Variants in CDH18 observed in about 807,000 individuals in gnomAD.
CDH18 encodes the protein cadherin-18.
Under a neutral mutation model 67.9 loss-of-function variants are expected in CDH18, and 31 were observed. The ratio of observed to expected loss-of-function variants is 0.46; its 90% CI spans 0.34 to 0.62. The LOEUF (loss-of-function observed/expected upper bound fraction) is 0.62, where lower values mean the gene tolerates loss of function less well. Ranked by LOEUF, CDH18 falls within the 20% of genes least tolerant of loss-of-function variation. The pLI is 0.01. For synonymous variants in CDH18, 362 were observed against 347.2 expected, an observed-to-expected ratio of 1.04 and a Z score of -0.48; for missense variants, 890 against 975.5, an observed-to-expected ratio of 0.91 and a Z score of 1.17.
chr5:20,252,974 T>G (rs1048914418), intron 2 of CDH18, among the ~76,000 whole-genome samples: 3 of 151,766 alleles, frequency 2.0e-5, no homozygotes, highest in African/African-American at 4.8e-5. Flanking sequence ...AATGTTTAAT[T>G]CATTTGAGAA....
chr5:19,961,959 T>C (rs970182195), intron 2 of CDH18, among the ~76,000 whole-genome samples: 3 of 152,078 alleles, frequency 2.0e-5, no homozygotes, highest in African/African-American at 7.2e-5. Flanking sequence ...GTTTTTTAAA[T>C]AAAATTTGGA....
chr5:20,467,727 A>G (rs1751741492), intron 1 of CDH18, among the ~76,000 whole-genome samples: 1 of 152,206 alleles, frequency 6.6e-6, no homozygotes, highest in Non-Finnish European at 1.5e-5. Context: ...ATGTGGTATG[A>G]CAAGGGAAAG....
At chr5:19,884,170 C>T (rs1383629765) in intron 2 of CDH18, among the ~76,000 whole-genome samples, 1 of 151,974 alleles carries the variant, frequency 6.6e-6, no homozygotes, top group Non-Finnish European at 1.5e-5. Flanking sequence ...CAGTTAGAGC[C>T]CCATGTTCTA....
chr5:19,919,245 T>TAAGAAGGACACAGC (rs1792170779), intron 2 of CDH18, among the ~76,000 whole-genome samples: 1 of 149,764 alleles, frequency 6.7e-6, no homozygotes, highest in African/African-American at 2.6e-5. Flanking sequence ...ATCTGGCTGT[T>TAAGAAGGACACAGC]CATTTGTATC....
At chr5:20,086,893 G>A (rs1304920880) in intron 2 of CDH18, among the ~76,000 whole-genome samples, 3 of 152,136 alleles carry the variant, frequency 2.0e-5, no homozygotes, top group East Asian at 3.9e-4. Flanking sequence ...CAGCTCATGG[G>A]TCAAGAAGTA....
chr5:20,083,540 G>A (rs1409858425), intron 2 of CDH18, among the ~76,000 whole-genome samples: 1 of 152,142 alleles, frequency 6.6e-6, no homozygotes, highest in Non-Finnish European at 1.5e-5. Context: ...CTGCTCCACA[G>A]ACTGGGCATT....
chr5:19,960,546 CGTGTGTGTGTGTGTAT>C (rs1430395217), intron 2 of CDH18, among the ~76,000 whole-genome samples: 1 of 128,078 alleles, frequency 7.8e-6, no homozygotes, highest in African/African-American at 3.7e-5. Flanking sequence ...GTTTAATATA[CGTGTGTGTGTGTGTAT>C]GTGTGTGTGT....
At chr5:19,479,099 C>A (rs564669573) in intron 12 of CDH18, among the ~76,000 whole-genome samples, 6 of 152,282 alleles carry the variant, frequency 3.9e-5, no homozygotes, top group African/African-American at 1.2e-4. Flanking sequence ...CAAAATTCTA[C>A]AGAATGACTC....
At chr5:19,902,002 T>C (rs1789988944) in intron 2 of CDH18, among the ~76,000 whole-genome samples, 1 of 152,144 alleles carries the variant, frequency 6.6e-6, no homozygotes, top group Non-Finnish European at 1.5e-5. Flanking sequence ...TAAATAACTC[T>C]ACCATTTTTT....
At chr5:20,345,924 C>G (rs929998625) in intron 1 of CDH18, among the ~76,000 whole-genome samples, 3 of 152,150 alleles carry the variant, frequency 2.0e-5, no homozygotes, top group Non-Finnish European at 2.9e-5. Context: ...ACAAATTATG[C>G]ATGTAGTAAA....
At chr5:19,599,843 C>A (rs966265405) in intron 6 of CDH18, among the ~76,000 whole-genome samples, 2 of 152,046 alleles carry the variant, frequency 1.3e-5, no homozygotes, top group Non-Finnish European at 2.9e-5. Context: ...GCCGAGATCG[C>A]ACCACTGCAC....
chr5:19,938,026 A>G (rs1794459759), intron 2 of CDH18, among the ~76,000 whole-genome samples: 1 of 147,864 alleles, frequency 6.8e-6, no homozygotes, highest in African/African-American at 2.5e-5. Flanking sequence ...TAGCATATAC[A>G]TAGCAAATAT....
Position 20,405,565 on chromosome 5 carries a change from A to G in CDH18, c.-579-150060T>C, listed in dbSNP as rs1208025750. Among the ~76,000 whole-genome samples, 7 of 152,228 alleles carry G rather than the reference A, an allele frequency of 4.6e-5. No individual in the cohort carries two copies. The East Asian group carries it at 1.4e-3, about 29-fold the overall frequency. ...GTCTAAAACACCAAAAGCAATGGCA[A>G]CAAAAGCCAAAATTGACAAATGGGA... On this transcript the variant is annotated intron_variant, in intron 1 of 14. Transcript: ENST00000507958.
chr5:20,543,179 T>A (rs1282528850), intron 1 of CDH18, among the ~76,000 whole-genome samples: 2 of 152,058 alleles, frequency 1.3e-5, no homozygotes, highest in African/African-American at 4.8e-5. Context: ...AATAGATGGT[T>A]AAACCTGCAT....
Position 20,348,571 on chromosome 5 carries a change from C to T in CDH18, c.-579-93066G>A, listed in dbSNP as rs997157811. 3.3e-5 allele frequency among the ~76,000 whole-genome samples: 5 copies of T among 152,152 alleles called. No homozygotes were observed. The South Asian group carries it at 8.3e-4, about 25-fold the overall frequency. ...GAGTGAAATGTGTTTAAGACAGAAA[C>T]GTTGATCAAGTGACCAGTGTTGTGA... is the stretch of plus-strand genomic sequence containing the variant. On this transcript the variant is annotated intron_variant, in intron 1 of 14. Coordinates refer to the CDH18 transcript ENST00000507958.
rs77137480 is a variant in CDH18 at position 20,151,045 on chromosome 5, G to A, written c.-518+104399C>T. Among the ~76,000 whole-genome samples, 872 of 151,360 alleles carry A rather than the reference G, an allele frequency of 5.8e-3. 8 individuals are homozygous for A. The highest frequency in any genetic ancestry group is 0.02 in the African/African-American group (836 of 41,264). On this transcript the variant is annotated intron_variant, in intron 2 of 14. Coordinates refer to the CDH18 transcript ENST00000507958. ...TCAATTTTTTTTTTAGATATAGTGG[G>A]TCCTATATCTGAAATATAGGGGGTT...
intron 1 of CDH18, among the ~76,000 whole-genome samples, chr5:20,280,584 C>T (rs1561935886): frequency 6.6e-6 from 1 of 152,290 alleles, no homozygotes; most frequent in African/African-American, 2.4e-5. Context: ...ATATGTGCCA[C>T]ATTTTCTTAA....
At chr5:20,548,562 C>G (rs1757466754) in intron 1 of CDH18, among the ~76,000 whole-genome samples, 1 of 151,888 alleles carries the variant, frequency 6.6e-6, no homozygotes, top group African/African-American at 2.4e-5. Flanking sequence ...TTTATTTTAA[C>G]AATGCTCATC....
At chr5:20,018,347 A>T (rs1738073708) in intron 2 of CDH18, among the ~76,000 whole-genome samples, 1 of 152,186 alleles carries the variant, frequency 6.6e-6, no homozygotes, top group Non-Finnish European at 1.5e-5. Context: ...AATAGGCCCA[A>T]TTACAACATA....
Sources: gnomAD v4.1 joint callset for allele counts (sites outside exome capture counted in the v4.1 genomes callset) on GRCh38, gnomAD v4.1.1 for gene constraint, MANE v1.5 for transcripts, NCBI Gene and HGNC (gene_info 2026-07-23, HGNC 2026-07-21) for gene names.